The following VPS8 variants were observed in gnomAD, a reference collection of about 807,000 sequenced individuals.
VPS8 encodes the protein VPS8 subunit of CORVET complex, also known as vacuolar protein sorting-associated protein 8 homolog.
In VPS8, 129 loss-of-function variants were observed where a neutral mutation model predicts 216.4. That is an observed-to-expected ratio of 0.60 (90% CI 0.52 to 0.69). VPS8 has a LOEUF of 0.69. Among genes scored for constraint, VPS8 ranks in the 30% least tolerant of loss-of-function variants. The pLI, the probability that VPS8 is intolerant of heterozygous loss-of-function variation, is 0.00. For missense variants in VPS8, 1,531 were observed against 1,683.5 expected (o/e 0.91, Z 1.59); for synonymous variants, 571 against 565.4 (o/e 1.01, Z -0.14).
intron 38 of VPS8, 53 bp from the exon 39 acceptor site, chr3:184,966,618 G>T: frequency 1.6e-6 from 2 of 1,272,194 alleles, no homozygotes; most frequent in Non-Finnish European, 2.2e-6. Flanking sequence ...GTATTGGGTG[G>T]GTAGAACTAT....
At chr3:184,969,613 T>A (rs956941965) in intron 39 of VPS8, among the ~76,000 whole-genome samples, 5 of 147,832 alleles carry the variant, frequency 3.4e-5, no homozygotes, top group South Asian at 4.3e-4. Flanking sequence ...TATTTTTAGT[T>A]GAGATGGGGT....
chr3:184,896,442 C>T (rs983107871), intron 23 of VPS8, among the ~76,000 whole-genome samples: 6 of 152,056 alleles, frequency 3.9e-5, no homozygotes, highest in African/African-American at 1.4e-4. Context: ...CCCCTTTTTC[C>T]TCCTAGGTTA....
intron 46 of VPS8, among the ~76,000 whole-genome samples, chr3:185,025,520 CAGAAG>C (rs1417795079): frequency 1.2e-4 from 18 of 152,164 alleles, no homozygotes; most frequent in Non-Finnish European, 2.9e-5. Flanking sequence ...GAGACTTTTT[CAGAAG>C]AGAAGAGAAT....
In VPS8 at chr3:184,951,037, A is replaced by G. The variant is rs535697600; in HGVS notation, c.3036-6337A>G. 3.3e-5 allele frequency among the ~76,000 whole-genome samples: 5 copies of G among 152,132 alleles called. No homozygotes were observed. The South Asian group carries it at 6.2e-4, about 19-fold the overall frequency. The stretch of plus-strand genomic sequence containing the variant: ...GTGCTGCAATAAACAATGTGTGCCT[A>G]TGTCTTTATAGTAGAATGATTCATA... On this transcript the variant is annotated intron_variant, in intron 36 of 47. Coordinates refer to ENST00000625842, the MANE Select transcript of VPS8 (RefSeq NM_001009921.3).
intron 13 of VPS8, among the ~76,000 whole-genome samples, chr3:184,855,342 C>G (rs1430707076): frequency 6.6e-6 from 1 of 152,126 alleles, no homozygotes; most frequent in Non-Finnish European, 1.5e-5. Context: ...AAGGAAATTT[C>G]AGAAACCAGT....
chr3:184,842,396 T>G (rs1329015809), intron 7 of VPS8, among the ~76,000 whole-genome samples: 2 of 151,300 alleles, frequency 1.3e-5, no homozygotes, highest in African/African-American at 4.9e-5. Context: ...CTTGTAGATA[T>G]GAGGAAATAA....
intron 37 of VPS8, 55 bp from the exon 38 acceptor site, chr3:184,964,413 C>T (rs1747046903): frequency 2.6e-6 from 3 of 1,152,078 alleles, no homozygotes; most frequent in Non-Finnish European, 2.4e-6. Flanking sequence ...ATGGGATCTT[C>T]CCACTCCACA....
At chr3:185,044,926 G>C (rs2108524189) in intron 46 of VPS8, among the ~76,000 whole-genome samples, 1 of 152,322 alleles carries the variant, frequency 6.6e-6, no homozygotes, top group East Asian at 1.9e-4. Context: ...GTATTTCCTG[G>C]TTGCAGAGGG....
At chr3:184,836,961 T>A (rs1273441999) in intron 5 of VPS8, among the ~76,000 whole-genome samples, 1 of 152,244 alleles carries the variant, frequency 6.6e-6, no homozygotes, top group Non-Finnish European at 1.5e-5. Flanking sequence ...ATTATTTTTA[T>A]GATCAACTTG....
At chr3:184,910,542 T>C (rs1451307130) in intron 25 of VPS8, among the ~76,000 whole-genome samples, 1 of 152,232 alleles carries the variant, frequency 6.6e-6, no homozygotes, top group Non-Finnish European at 1.5e-5. Context: ...CCTGGTTTTT[T>C]GTCTTTGACT....
chr3:185,027,517 C>T (rs1757558270), intron 46 of VPS8, among the ~76,000 whole-genome samples: 1 of 152,166 alleles, frequency 6.6e-6, no homozygotes, highest in Non-Finnish European at 1.5e-5. Context: ...GCTGGGATTA[C>T]AGGCGTGAGC....
At chr3:184,997,186 G>A (rs1752726799) in intron 44 of VPS8, among the ~76,000 whole-genome samples, 1 of 152,176 alleles carries the variant, frequency 6.6e-6, no homozygotes, top group Non-Finnish European at 1.5e-5. Flanking sequence ...GCAGAGTGAA[G>A]GTGTTGGTCT....
intron 36 of VPS8, among the ~76,000 whole-genome samples, chr3:184,948,221 T>TC (rs1287466815): frequency 5.5e-5 from 1 of 18,322 alleles, no homozygotes; most frequent in African/African-American, 1.8e-4. Flanking sequence ...CCATATAGGC[T>TC]CTTTTTTTTT....
chr3:184,879,832 G>A (rs796440449), intron 21 of VPS8, among the ~76,000 whole-genome samples: 6 of 152,302 alleles, frequency 3.9e-5, no homozygotes, highest in African/African-American at 1.4e-4. Flanking sequence ...CTAAGAGATT[G>A]CCATCAGGGA....
At chr3:185,024,415 C>T in intron 46 of VPS8, 26 bp downstream of exon 46, 2 of 1,573,840 alleles carry the variant, frequency 1.3e-6, no homozygotes, top group Non-Finnish European at 1.7e-6. Flanking sequence ...AGGCAAAAAA[C>T]CAGTTCTTCC....
intron 2 of VPS8, among the ~76,000 whole-genome samples, chr3:184,825,588 A>G (rs1718585907): frequency 6.6e-6 from 1 of 152,202 alleles, no homozygotes; most frequent in Admixed American, 6.5e-5. Flanking sequence ...AGCAGATGCA[A>G]AAGTCTTTCA....
intron 45 of VPS8, among the ~76,000 whole-genome samples, chr3:185,004,178 A>G (rs1308288892): frequency 6.6e-6 from 1 of 152,162 alleles, no homozygotes; most frequent in African/African-American, 2.4e-5. Flanking sequence ...ACTGCACTCC[A>G]GCCTGGGCAC....
chr3:184,842,052 A>G (rs560766701), intron 7 of VPS8, among the ~76,000 whole-genome samples: 4 of 152,064 alleles, frequency 2.6e-5, no homozygotes, highest in South Asian at 2.1e-4. Context: ...CCTCACCTCT[A>G]TCTGCTTTAA....
At chr3:184,859,277 G>C (rs1725848249) in intron 14 of VPS8, among the ~76,000 whole-genome samples, 1 of 152,006 alleles carries the variant, frequency 6.6e-6, no homozygotes, top group South Asian at 2.1e-4. Context: ...GATTTCTCTG[G>C]GGACATTGTT....
Sources: gnomAD v4.1 joint callset for allele counts (sites outside exome capture counted in the v4.1 genomes callset) on GRCh38, gnomAD v4.1.1 for gene constraint, MANE v1.5 for transcripts, NCBI Gene and HGNC (gene_info 2026-07-23, HGNC 2026-07-21) for gene names.